Variants in CPED1 observed in about 807,000 individuals in gnomAD.
The protein encoded by CPED1 is cadherin like and PC-esterase domain containing 1.
A neutral mutation model predicts 128.2 loss-of-function variants in CPED1; 114 were observed. The observed-to-expected ratio is 0.89, with a 90% CI of 0.76 to 1.04. The LOEUF (loss-of-function observed/expected upper bound fraction) is 1.04, where lower values mean the gene tolerates loss of function less well. Ranked by LOEUF, CPED1 falls within the 50% of genes least tolerant of loss-of-function variation. CPED1 has a pLI of 0.00. For synonymous variants in CPED1, 462 were observed against 426.7 expected, an observed-to-expected ratio of 1.08 and a Z score of -1.02; for missense variants, 1,211 against 1,207.1, an observed-to-expected ratio of 1.00 and a Z score of -0.05.
At chr7:121,182,355 C>T (rs1292554890) in intron 16 of CPED1, among the ~76,000 whole-genome samples, 2 of 151,938 alleles carry the variant, frequency 1.3e-5, no homozygotes, top group African/African-American at 2.4e-5. Flanking sequence ...TAAAGAAGTT[C>T]ACTTAATAGA....
chr7:121,025,087 T>C (rs1250677187), intron 3 of CPED1, among the ~76,000 whole-genome samples: 1 of 152,122 alleles, frequency 6.6e-6, no homozygotes, highest in Non-Finnish European at 1.5e-5. Flanking sequence ...TGTTGAAACC[T>C]CCCAACTCAC....
chr7:121,049,629 T>A (rs181543594), intron 4 of CPED1, among the ~76,000 whole-genome samples: 4 of 152,326 alleles, frequency 2.6e-5, no homozygotes, highest in Admixed American at 2.0e-4. Context: ...GTGAGTGGCT[T>A]TTGCCTAACA....
intron 16 of CPED1, among the ~76,000 whole-genome samples, chr7:121,216,152 C>G (rs1016905106): frequency 6.6e-6 from 1 of 151,986 alleles, no homozygotes; most frequent in Non-Finnish European, 1.5e-5. Context: ...AAGATTCCTA[C>G]GTTACAGTGA....
At chr7:121,064,937 C>T (rs571736460) in intron 5 of CPED1, among the ~76,000 whole-genome samples, 1 of 152,230 alleles carries the variant, frequency 6.6e-6, no homozygotes, top group South Asian at 2.1e-4. Context: ...GAAAGGGTTC[C>T]TCAAATTTCT....
At position 121,127,276 on chromosome 7, in the gene CPED1, A is replaced by G; in HGVS notation, c.1302+19A>G. ...TTTCAAGGTAAGTGCATATTTGTGT[A>G]CTGATAAATATTTTTTCAAGTCATT... is the stretch of plus-strand genomic sequence containing the variant. On this transcript the variant is annotated intron_variant, in intron 10 of 22. Transcript: ENST00000310396. 6.9e-7 allele frequency: 1 copy of G among 1,449,634 alleles called. No individual in the cohort carries two copies. The highest frequency in any genetic ancestry group is 9.4e-7 in the Non-Finnish European group (1 of 1,060,538). 89.8% of individuals were successfully genotyped at this position (1,449,634 alleles called of 1,614,324 possible). A position where few individuals can be genotyped will look rare whatever the true frequency, so the allele number is the denominator to read the frequency against.
At chr7:121,248,958 GA>G (rs1315513793) in intron 18 of CPED1, among the ~76,000 whole-genome samples, 1 of 152,140 alleles carries the variant, frequency 6.6e-6, no homozygotes, top group African/African-American at 2.4e-5. Context: ...GTTCAAAGAT[GA>G]AATAGCCATT....
chr7:121,033,589 C>A (rs370194919), intron 3 of CPED1, among the ~76,000 whole-genome samples: 1 of 152,128 alleles, frequency 6.6e-6, no homozygotes, highest in African/African-American at 2.4e-5. Context: ...GCCTTATATC[C>A]TCTATTTGAA....
chr7:121,129,313 GTATATATATATATATATATATACGTA>G (rs1485129697), intron 11 of CPED1, among the ~76,000 whole-genome samples: 3 of 26,826 alleles, frequency 1.1e-4, no homozygotes, highest in Non-Finnish European at 1.8e-4. Flanking sequence ...ATATATATAC[GTATATATATATATATATATATACGTA>G]TATATATATA....
At chr7:121,065,262 TATCTA>T (rs1173593564) in intron 5 of CPED1, among the ~76,000 whole-genome samples, 1 of 152,192 alleles carries the variant, frequency 6.6e-6, no homozygotes, top group Non-Finnish European at 1.5e-5. Context: ...TTAAGATACA[TATCTA>T]AACTAAACAG....
rs1793325170 is a variant in CPED1 at position 121,050,617 on chromosome 7, C to T, written c.540+3624C>T. Among the ~76,000 whole-genome samples the T allele has an allele frequency of 2.0e-5, 3 of 152,238 alleles. No individual in the cohort carries two copies. In the East Asian group the frequency reaches 5.8e-4, roughly 29 times the overall value. ...CAGCTGGGATTACAGGCGTCTGCCA[C>T]CACACCCAGCTAATTTTTTGTATTT... On this transcript the variant is annotated intron_variant, in intron 4 of 22. Transcript: ENST00000310396.
chr7:121,026,874 A>AGGCT (rs1451829976), intron 3 of CPED1, among the ~76,000 whole-genome samples: 1 of 123,836 alleles, frequency 8.1e-6, no homozygotes, highest in Non-Finnish European at 1.6e-5. Flanking sequence ...TTTGTTGCCC[A>AGGCT]GGCTGGAGTG....
intron 4 of CPED1, among the ~76,000 whole-genome samples, chr7:121,053,313 A>C (rs957931089): frequency 9.9e-5 from 15 of 151,988 alleles, no homozygotes; most frequent in Admixed American, 7.2e-4. Flanking sequence ...GATCTGATGC[A>C]ATTTTTTTTT....
chr7:121,152,742 C>T (rs1796187428), intron 16 of CPED1, among the ~76,000 whole-genome samples: 1 of 152,000 alleles, frequency 6.6e-6, no homozygotes. Context: ...TTTATTTTTC[C>T]ATTGAAGTCT....
At chr7:121,083,218 T>C (rs919265384) in intron 5 of CPED1, among the ~76,000 whole-genome samples, 5 of 152,164 alleles carry the variant, frequency 3.3e-5, no homozygotes, top group African/African-American at 1.2e-4. Context: ...CTAGGCAGCA[T>C]AGAAAATTTA....
chr7:120,996,096 T>G (rs1173673956), intron 2 of CPED1, among the ~76,000 whole-genome samples: 1 of 150,726 alleles, frequency 6.6e-6, no homozygotes, highest in African/African-American at 2.4e-5. Flanking sequence ...CTAGGCAAAA[T>G]AGGGAGAGCC....
chr7:121,252,453 C>G (rs1310363834), intron 18 of CPED1, among the ~76,000 whole-genome samples: 2 of 151,222 alleles, frequency 1.3e-5, no homozygotes, highest in Non-Finnish European at 3.0e-5. Flanking sequence ...CAACAAAAGC[C>G]AAAATTGACA....
intron 16 of CPED1, among the ~76,000 whole-genome samples, chr7:121,187,851 A>G (rs1372566822): frequency 6.6e-6 from 1 of 152,110 alleles, no homozygotes; most frequent in Non-Finnish European, 1.5e-5. Flanking sequence ...AAGTTGGAAA[A>G]CATAGACTTT....
At chr7:121,035,810 G>C (rs2116871998) in intron 3 of CPED1, among the ~76,000 whole-genome samples, 1 of 151,844 alleles carries the variant, frequency 6.6e-6, no homozygotes, top group East Asian at 1.9e-4. Context: ...TCCAGCCTAG[G>C]TGACCGAGTG....
chr7:121,055,431 GCATAT>G (rs1793469886), intron 4 of CPED1, among the ~76,000 whole-genome samples: 1 of 151,802 alleles, frequency 6.6e-6, no homozygotes, highest in African/African-American at 2.4e-5. Flanking sequence ...CTTTCTGTAA[GCATAT>G]CATTTATTTC....
Sources: allele counts gnomAD v4.1 joint callset (sites outside exome capture counted in the v4.1 genomes callset), GRCh38; gene constraint gnomAD v4.1.1; transcripts MANE v1.5; gene names NCBI Gene and HGNC (gene_info 2026-07-23, HGNC 2026-07-21).